TMEM271: variants seen among roughly 807,000 people sequenced by gnomAD.
The protein encoded by TMEM271 is transmembrane protein 271.
rs1732387119 is a variant in TMEM271, at chr4:574,061, ACAAC to A, written c.*840_*843del. Reference sequence around the variant, plus strand: ...AGATCTGCTTTGCAGTCGAAACCACACAACCAGTTTCCAAAAAAAAAAAAAGAAA... The same window carrying A: ...AGATCTGCTTTGCAGTCGAAACCACACAGTTTCCAAAAAAAAAAAAAGAAA... On this transcript the variant is annotated 3_prime_UTR_variant, in exon 1 of 1. Coordinates refer to ENST00000610212, the MANE Select transcript of TMEM271 (RefSeq NM_001362796.2). 2 of 149,198 alleles carry A rather than the reference ACAAC, an allele frequency of 1.3e-5. No homozygotes were observed. Among genetic ancestry groups the A allele is most frequent in the South Asian group, 4.2e-4 (2 of 4,730 alleles). The allele number at this position is 149,198 out of a possible 1,614,324, so 9.2% of individuals were successfully genotyped here.
Position 574,828 on chromosome 4 carries a change from T to G in TMEM271, c.*77A>C, listed in dbSNP as rs2109094100. ...CCCCGCCCCGCTGCCCGTCCTCCCT[T>G]GCCGCGGGGGTCCTGAGCGGGGCGG... is the stretch of plus-strand genomic sequence containing the variant. On this transcript the variant is annotated 3_prime_UTR_variant, in exon 1 of 1. Transcript: ENST00000610212. The G allele has an allele frequency of 2.5e-6, 1 of 393,842 alleles. No homozygotes were observed. Among genetic ancestry groups the G allele is most frequent in the East Asian group, 3.6e-5 (1 of 27,736 alleles). The allele number at this position is 393,842 out of a possible 1,614,324, so 24.4% of individuals were successfully genotyped here.
At position 574,718 on chromosome 4, in the gene TMEM271, G is replaced by C; in HGVS notation, c.*187C>G. On this transcript the variant is annotated 3_prime_UTR_variant, in exon 1 of 1. Coordinates refer to ENST00000610212, the MANE Select transcript of TMEM271 (RefSeq NM_001362796.2). ...ATGGTCACATCAGGGGCCCCCTCCT[G>C]TGGTCACGGAGCCCGCAGAGGGGGC... is the stretch of plus-strand genomic sequence containing the variant. 2.6e-6 allele frequency: 1 copy of C among 391,196 alleles called. No homozygotes were observed. The highest frequency in any genetic ancestry group is 4.5e-6 in the Non-Finnish European group (1 of 221,708). The allele number at this position is 391,196 out of a possible 1,614,324, so 24.2% of individuals were successfully genotyped here.
rs984897807 is a variant in TMEM271 at position 574,776 on chromosome 4, G to A, written c.*129C>T. ...GAGGCTGCAAAGCCACGTGGAAGAG[G>A]CGGCGCCCCTGAGGCCTGGCCCTGG... On this transcript the variant is annotated 3_prime_UTR_variant, in exon 1 of 1. Coordinates refer to ENST00000610212, the MANE Select transcript of TMEM271 (RefSeq NM_001362796.2). 2.5e-6 allele frequency: 1 copy of A among 392,238 alleles called. No individual in the cohort carries two copies. Among genetic ancestry groups the A allele is most frequent in the South Asian group, 1.4e-4 (1 of 7,010 alleles). 24.3% of individuals were successfully genotyped at this position (392,238 alleles called of 1,614,324 possible). A position where few individuals can be genotyped will look rare whatever the true frequency, so the allele number is the denominator to read the frequency against.
In TMEM271 at chr4:575,529, G is replaced by C. The variant is rs1455695338; in HGVS notation, c.534C>G (p.Ala178=). The C allele has an allele frequency of 1.9e-5, 6 of 315,300 alleles. No individual in the cohort carries two copies. The highest frequency in any genetic ancestry group is 1.4e-4 in the South Asian group (1 of 7,048). 19.5% of individuals were successfully genotyped at this position (315,300 alleles called of 1,614,324 possible). The part of the protein sequence containing the change: ...GSAPGSTPGS[A]PGSAPGSAPG... ...GCGCCGAGCCGGGGGCCGAGCCCGG[G>C]GCCGAGCCGGGGGTTGAGCCCGGGG... The change falls in exon 1 of 1, where the codon GCC becomes GCG. Residue 178 remains alanine (A), a synonymous_variant. Transcript: ENST00000610212.
chr4:574,770 G>A lies in TMEM271; in HGVS notation c.*135C>T. 2.5e-6 allele frequency: 1 copy of A among 392,158 alleles called. No individual in the cohort carries two copies. The allele number at this position is 392,158 out of a possible 1,614,324, so 24.3% of individuals were successfully genotyped here. Reference sequence around the variant, plus strand: ...AGGCCGGAGGCTGCAAAGCCACGTGGAAGAGGCGGCGCCCCTGAGGCCTGG... The same window carrying A: ...AGGCCGGAGGCTGCAAAGCCACGTGAAAGAGGCGGCGCCCCTGAGGCCTGG... On this transcript the variant is annotated 3_prime_UTR_variant, in exon 1 of 1. Transcript: ENST00000610212.
At position 574,983 on chromosome 4, in the gene TMEM271, G is replaced by C. The variant is rs1436857924; in HGVS notation, c.1080C>G (p.Asp360Glu). 2 of 397,030 alleles carry C rather than the reference G, an allele frequency of 5.0e-6. No individual in the cohort carries two copies. Among genetic ancestry groups the C allele is most frequent in the Non-Finnish European group, 8.9e-6 (2 of 225,054 alleles). The allele number at this position is 397,030 out of a possible 1,614,324, so 24.6% of individuals were successfully genotyped here. The stretch of plus-strand genomic sequence containing the variant: ...AGCAGTAGGGGTAGGAGGCGTTGAG[G>C]TCGGGGTCCGAGGGCGCGTACCCCG... ...ELPGYAPSDP[D>E]LNASYPYCCR... The change falls in exon 1 of 1, where the codon GAC (aspartate) becomes GAG (glutamate). Residue 360 changes from aspartate to glutamate, a missense_variant. By Grantham distance (45) the Asp-to-Glu change is conservative. Transcript: ENST00000610212.
At position 573,943 on chromosome 4, in the gene TMEM271, G is replaced by A. The variant is rs1385256651; in HGVS notation, c.*962C>T. On this transcript the variant is annotated 3_prime_UTR_variant, in exon 1 of 1. Transcript: ENST00000610212. ...TCATACTCAAAATTACCAGATTAATGAAATAATCAACAGGAAAATTATCTA... is the reference window on the plus strand; with the variant it reads ...TCATACTCAAAATTACCAGATTAATAAAATAATCAACAGGAAAATTATCTA... The A allele has an allele frequency of 6.6e-6, 1 of 151,992 alleles. No individual in the cohort carries two copies. The highest frequency in any genetic ancestry group is 1.5e-5 in the Non-Finnish European group (1 of 68,032). 9.4% of individuals were successfully genotyped at this position (151,992 alleles called of 1,614,324 possible).
Position 576,033 on chromosome 4 carries a change from G to C in TMEM271, c.30C>G (p.Ala10=), listed in dbSNP as rs963890898. The change falls in exon 1 of 1, where the codon GCC becomes GCG. Residue 10 remains alanine, a synonymous_variant. Coordinates refer to ENST00000610212, the MANE Select transcript of TMEM271 (RefSeq NM_001362796.2). MKWSVRGAC[A]ALSSCLLLAC... The stretch of plus-strand genomic sequence containing the variant: ...CGAGCAGGAGGCAGGAGGAGAGCGC[G>C]GCGCAGGCCCCGCGGACGCTCCACT... 5.8e-6 allele frequency: 2 copies of C among 347,492 alleles called. No homozygotes were observed. The highest frequency in any genetic ancestry group is 4.3e-5 in the African/African-American group (2 of 46,180). The allele number at this position is 347,492 out of a possible 1,614,324, so 21.5% of individuals were successfully genotyped here.
At position 575,019 on chromosome 4, in the gene TMEM271, C is replaced by T; in HGVS notation, c.1044G>A (p.Ser348=). ...GAEVRCGGHP[S]VELPGYAPSD... ...AGGGCGCGTACCCCGGCAGCTCCACCGACGGGTGCCCCCCGCAGCGCACCT... is the reference window on the plus strand; with the variant it reads ...AGGGCGCGTACCCCGGCAGCTCCACTGACGGGTGCCCCCCGCAGCGCACCT... Residue 348 remains serine, a synonymous_variant, in exon 1 of 1, where the codon TCG becomes TCA. Coordinates refer to ENST00000610212, the MANE Select transcript of TMEM271 (RefSeq NM_001362796.2). 2.5e-6 allele frequency: 1 copy of T among 397,142 alleles called. No homozygotes were observed. The highest frequency in any genetic ancestry group is 4.4e-6 in the Non-Finnish European group (1 of 225,062). The allele number at this position is 397,142 out of a possible 1,614,324, so 24.6% of individuals were successfully genotyped here. A position where few individuals can be genotyped will look rare whatever the true frequency, so the allele number is the denominator to read the frequency against.
At position 575,031 on chromosome 4, in the gene TMEM271, C is replaced by G; in HGVS notation, c.1032G>C (p.Gly344=). 1 of 397,156 alleles carries G rather than the reference C, an allele frequency of 2.5e-6. No individual in the cohort carries two copies. The highest frequency in any genetic ancestry group is 4.4e-6 in the Non-Finnish European group (1 of 225,062). The allele number at this position is 397,156 out of a possible 1,614,324, so 24.6% of individuals were successfully genotyped here. ...CCGGCAGCTCCACCGACGGGTGCCCCCCGCAGCGCACCTCCGCGCCCGCCT... is the reference window on the plus strand; with the variant it reads ...CCGGCAGCTCCACCGACGGGTGCCCGCCGCAGCGCACCTCCGCGCCCGCCT... ...LDEAGAEVRC[G]GHPSVELPGY... is the part of the protein sequence containing the mutation. Residue 344 remains glycine (G), a synonymous_variant, in exon 1 of 1, where the codon GGG becomes GGC. Transcript: ENST00000610212.
Position 574,582 on chromosome 4 carries a change from G to A in TMEM271, c.*323C>T, listed in dbSNP as rs960467187. 8.6e-6 allele frequency: 2 copies of A among 231,868 alleles called. No individual in the cohort carries two copies. Among genetic ancestry groups the A allele is most frequent in the Admixed American group, 5.7e-5 (1 of 17,488 alleles). 14.4% of individuals were successfully genotyped at this position (231,868 alleles called of 1,614,324 possible). A position where few individuals can be genotyped will look rare whatever the true frequency, so the allele number is the denominator to read the frequency against. On this transcript the variant is annotated 3_prime_UTR_variant, in exon 1 of 1. Transcript: ENST00000610212. ...CAGAGCAGCCCCAGGGTTTGGACTT[G>A]CCAAGAAAAGTGCAGTCGGGCTAGC...
rs1732414953 is a variant in TMEM271, at chr4:575,471, T to TGCGAGCGCGCGGGGCGCC, written c.574_591dup (p.Gly192_Arg197dup). On this transcript the variant is annotated inframe_insertion, in exon 1 of 1. Transcript: ENST00000610212. ...GCGGACGTGGCGCTGTCCAGGGTGC[T>TGCGAGCGCGCGGGGCGCC]GCGAGCGCGCGGGGCGCCGGGGGCC... The TGCGAGCGCGCGGGGCGCC allele has an allele frequency of 3.8e-6, 1 of 260,360 alleles. No homozygotes were observed. The highest frequency in any genetic ancestry group is 2.3e-5 in the African/African-American group (1 of 42,654). 16.1% of individuals were successfully genotyped at this position (260,360 alleles called of 1,614,324 possible).
rs1460467240 is a variant in TMEM271, at chr4:575,242, G to A, written c.821C>T (p.Pro274Leu). Residue 274 changes from proline (P) to leucine (L), a missense_variant, in exon 1 of 1, where the codon CCG (proline) becomes CTG (leucine). Transcript: ENST00000610212. ...GCCCCGGCGCGCCCGAGAGGCGGGC[G>A]GCTGCGCGCGGAGCCCGGAGCCGCC... ...PRGGSGLRAQPPASRARRGRR... is the reference protein window; with the variant it reads ...PRGGSGLRAQLPASRARRGRR... The A allele has an allele frequency of 6.0e-6, 1 of 165,836 alleles. No individual in the cohort carries two copies. The highest frequency in any genetic ancestry group is 2.4e-5 in the African/African-American group (1 of 41,130). 10.3% of individuals were successfully genotyped at this position (165,836 alleles called of 1,614,324 possible).
At position 575,544 on chromosome 4, in the gene TMEM271, T is replaced by TCCGAGCCCGGGGCCGAGCCGGGGGCC. The variant is rs1732418691; in HGVS notation, c.518_519insGGCCCCCGGCTCGGCCCCGGGCTCGG (p.Thr174AlafsTer47). 1 of 316,520 alleles carries TCCGAGCCCGGGGCCGAGCCGGGGGCC rather than the reference T, an allele frequency of 3.2e-6. No individual in the cohort carries two copies. The highest frequency in any genetic ancestry group is 5.7e-6 in the Non-Finnish European group (1 of 174,160). The allele number at this position is 316,520 out of a possible 1,614,324, so 19.6% of individuals were successfully genotyped here. On this transcript the variant is annotated frameshift_variant, in exon 1 of 1. Transcript: ENST00000610212. LOFTEE classifies it high-confidence loss of function. ...CCGAGCCCGGGGCCGAGCCGGGGGT[T>TCCGAGCCCGGGGCCGAGCCGGGGGCC]GAGCCCGGGGCCGAGCCGGGGCTCG...
rs1201216528 is a variant in TMEM271 at position 575,493 on chromosome 4, G to GGCCGAGCCCGGC, written c.558_569dup (p.Ser189_Gly192dup). 3.1e-5 allele frequency: 9 copies of GGCCGAGCCCGGC among 285,730 alleles called. No homozygotes were observed. Among genetic ancestry groups the GGCCGAGCCCGGC allele is most frequent in the East Asian group, 2.5e-4 (4 of 16,142 alleles). The allele number at this position is 285,730 out of a possible 1,614,324, so 17.7% of individuals were successfully genotyped here. ...TGCTGCGAGCGCGCGGGGCGCCGGGGGCCGAGCCCGGCGCCGAGCCGGGGG... is the reference window on the plus strand; with the variant it reads ...TGCTGCGAGCGCGCGGGGCGCCGGGGGCCGAGCCCGGCGCCGAGCCCGGCGCCGAGCCGGGGG... On this transcript the variant is annotated inframe_insertion, in exon 1 of 1. Transcript: ENST00000610212.
At position 575,735 on chromosome 4, in the gene TMEM271, C is replaced by T. The variant is rs1198844677; in HGVS notation, c.328G>A (p.Gly110Arg). ...TGGCTGCTCACCGGCCCCGGGGCCC[C>T]GGCCGCGGCCCCCGACTCGCCCGGC... ...ATPGESGAAA[G>R]APGPVSSQNL... Residue 110 changes from glycine to arginine, a missense_variant, in exon 1 of 1, where the codon GGG (glycine) becomes AGG (arginine). By Grantham distance (125) the Gly-to-Arg change is moderately radical (BLOSUM62 -2). Transcript: ENST00000610212. 5.6e-6 allele frequency: 2 copies of T among 355,284 alleles called. No homozygotes were observed. Among genetic ancestry groups the T allele is most frequent in the Non-Finnish European group, 1.0e-5 (2 of 198,018 alleles). 22.0% of individuals were successfully genotyped at this position (355,284 alleles called of 1,614,324 possible). A position where few individuals can be genotyped will look rare whatever the true frequency, so the allele number is the denominator to read the frequency against.
At position 574,634 on chromosome 4, in the gene TMEM271, G is replaced by A; in HGVS notation, c.*271C>T. ...AAGCCCAAACATTTATTGTAAACTT[G>A]AAAATGGAATCCAGATATGAACGAC... On this transcript the variant is annotated 3_prime_UTR_variant, in exon 1 of 1. Transcript: ENST00000610212. 2.9e-6 allele frequency: 1 copy of A among 350,642 alleles called. No homozygotes were observed. Among genetic ancestry groups the A allele is most frequent in the Non-Finnish European group, 5.1e-6 (1 of 195,664 alleles). 21.7% of individuals were successfully genotyped at this position (350,642 alleles called of 1,614,324 possible).
rs1226925554 is a variant in TMEM271, at chr4:575,486, CGCCGGGGGCCGAGCCCGGCGCCGA to C, written c.553_576del (p.Ser185_Gly192del). 1,814 of 267,410 alleles carry C rather than the reference CGCCGGGGGCCGAGCCCGGCGCCGA, an allele frequency of 6.8e-3. 48 individuals are homozygous for C. Among genetic ancestry groups the C allele is most frequent in the East Asian group, 0.058 (935 of 16,032 alleles). 16.6% of individuals were successfully genotyped at this position (267,410 alleles called of 1,614,324 possible). A position where few individuals can be genotyped will look rare whatever the true frequency, so the allele number is the denominator to read the frequency against. Reference sequence around the variant, plus strand: ...TCCAGGGTGCTGCGAGCGCGCGGGGCGCCGGGGGCCGAGCCCGGCGCCGAGCCGGGGGCCGAGCCCGGGGCCGAG... The same window carrying C: ...TCCAGGGTGCTGCGAGCGCGCGGGGCGCCGGGGGCCGAGCCCGGGGCCGAG... On this transcript the variant is annotated inframe_deletion, in exon 1 of 1. Coordinates refer to ENST00000610212, the MANE Select transcript of TMEM271 (RefSeq NM_001362796.2).
In TMEM271 at chr4:576,232, C is replaced by CCCGCCG. The variant is rs531659290; in HGVS notation, c.-176_-171dup. 362 of 149,338 alleles carry CCCGCCG rather than the reference C, an allele frequency of 2.4e-3. 1 individual carries two copies. The highest frequency in any genetic ancestry group is 6.8e-3 in the African/African-American group (265 of 39,090). The allele number at this position is 149,338 out of a possible 1,614,324, so 9.3% of individuals were successfully genotyped here. ...CCGCCGGAGCCCGCATCCTCCGCCT[C>CCCGCCG]CCGCCGCCGCCGCCGCCGCCGCCGC... is the stretch of plus-strand genomic sequence containing the variant. On this transcript the variant is annotated 5_prime_UTR_variant, in exon 1 of 1. Coordinates refer to ENST00000610212, the MANE Select transcript of TMEM271 (RefSeq NM_001362796.2).
Sources: gnomAD v4.1 joint callset for allele counts on GRCh38, gnomAD v4.1.1 for gene constraint, MANE v1.5 for transcripts, NCBI Gene and HGNC (gene_info 2026-07-23, HGNC 2026-07-21) for gene names.